Variants in H4C4 observed in about 807,000 individuals in gnomAD.
H4C4 encodes the protein histone H4.
A neutral mutation model predicts 4.4 loss-of-function variants in H4C4; 8 were observed. That is an observed-to-expected ratio of 1.81 (90% CI 1.06 to 3.27). The LOEUF (loss-of-function observed/expected upper bound fraction) is 3.27. Ranked by LOEUF, H4C4 falls within the 30% of genes most tolerant of loss-of-function variation. The pLI, the probability that H4C4 is intolerant of heterozygous loss-of-function variation, is 0.00. For missense variants in H4C4, 223 were observed against 148.9 expected (o/e 1.50, Z -2.59); for synonymous variants, 130 against 59.4 (o/e 2.19, Z -5.46).
In H4C4 at chr6:26,188,840, G is replaced by A; in HGVS notation, c.237C>T (p.Arg79=). 6.2e-7 allele frequency: 1 copy of A among 1,614,264 alleles called. No individual in the cohort carries two copies. Among genetic ancestry groups the A allele is most frequent in the Non-Finnish European group, 8.5e-7 (1 of 1,180,054 alleles). ...CCACGTCCATGGCTGTGACTGTCTT[G>A]CGTTTGGCGTGTTCCGTGTAGGTGA... The part of the protein sequence containing the change: ...DAVTYTEHAK[R]KTVTAMDVVY... The change falls in exon 1 of 1, where the codon CGC becomes CGT. Residue 79 remains arginine, a synonymous_variant. Transcript: ENST00000614247.
chr6:26,188,823 A>G lies in H4C4; in HGVS notation c.254T>C (p.Met85Thr). Residue 85 changes from methionine to threonine, a missense_variant, in exon 1 of 1, where the codon ATG (methionine) becomes ACG (threonine). Met to Thr is a moderately conservative substitution (Grantham distance 81, BLOSUM62 -1). Transcript: ENST00000614247. ...EHAKRKTVTA[M>T]DVVYALKRQG... ...GCGCTTGAGCGCGTACACCACGTCC[A>G]TGGCTGTGACTGTCTTGCGTTTGGC... The G allele has an allele frequency of 1.2e-6, 2 of 1,614,246 alleles. No individual in the cohort carries two copies. Among genetic ancestry groups the G allele is most frequent in the Non-Finnish European group, 1.7e-6 (2 of 1,180,042 alleles).
In H4C4 at chr6:26,189,022, G is replaced by A. The variant is rs1764838665; in HGVS notation, c.55C>T (p.His19Tyr). ...ATATTGTCACGCAATACCTTACGGT[G>A]ACGCTTGGCGCCACCCTTACCTAGA... ...KGLGKGGAKRHRKVLRDNIQG... is the reference protein window; with the variant it reads ...KGLGKGGAKRYRKVLRDNIQG... Residue 19 changes from histidine (H) to tyrosine (Y), a missense_variant, in exon 1 of 1, where the codon CAC (histidine) becomes TAC (tyrosine). By Grantham distance (83) the His-to-Tyr change is moderately conservative (BLOSUM62 2). Coordinates refer to ENST00000614247, the MANE Select transcript of H4C4 (RefSeq NM_003539.4). 5 of 1,611,648 alleles carry A rather than the reference G, an allele frequency of 3.1e-6. No homozygotes were observed. The highest frequency in any genetic ancestry group is 4.2e-6 in the Non-Finnish European group (5 of 1,178,182).
rs374437133 is a variant in H4C4 at position 26,188,759 on chromosome 6, G to A, written c.*6C>T. 67 of 1,614,056 alleles carry A rather than the reference G, an allele frequency of 4.2e-5. No individual in the cohort carries two copies. The highest frequency in any genetic ancestry group is 3.7e-4 in the African/African-American group (28 of 75,070). On this transcript the variant is annotated 3_prime_UTR_variant, in exon 1 of 1. Transcript: ENST00000614247. Reference sequence around the variant, plus strand: ...GGTTTTGCGGTAGTGTACTGTAGAGGTAAGCTCAGCCGCCGAAGCCATAAA... The same window carrying A: ...GGTTTTGCGGTAGTGTACTGTAGAGATAAGCTCAGCCGCCGAAGCCATAAA...
chr6:26,189,098 T>C lies in H4C4; in HGVS notation c.-22A>G, dbSNP rs1185284794. Reference sequence around the variant, plus strand: ...ACATCTTGAAACCACAGCTGTTAAATCTGTAACGCAATACGTCTGGCAGAG... The same window carrying C: ...ACATCTTGAAACCACAGCTGTTAAACCTGTAACGCAATACGTCTGGCAGAG... On this transcript the variant is annotated 5_prime_UTR_variant, in exon 1 of 1. Transcript: ENST00000614247. 3.2e-6 allele frequency: 5 copies of C among 1,554,918 alleles called. No homozygotes were observed. Among genetic ancestry groups the C allele is most frequent in the South Asian group, 2.4e-5 (2 of 83,830 alleles).
At position 26,189,078 on chromosome 6, in the gene H4C4, T is replaced by C. The variant is rs1022698942; in HGVS notation, c.-2A>G. On this transcript the variant is annotated 5_prime_UTR_variant, in exon 1 of 1. Transcript: ENST00000614247. Reference sequence around the variant, plus strand: ...TCCGCCCTTACCGCGGCCAGACATCTTGAAACCACAGCTGTTAAATCTGTA... The same window carrying C: ...TCCGCCCTTACCGCGGCCAGACATCCTGAAACCACAGCTGTTAAATCTGTA... 9 of 1,579,836 alleles carry C rather than the reference T, an allele frequency of 5.7e-6. No individual in the cohort carries two copies. Among genetic ancestry groups the C allele is most frequent in the Non-Finnish European group, 7.8e-6 (9 of 1,161,132 alleles).
chr6:26,188,827 C>A lies in H4C4; in HGVS notation c.250G>T (p.Ala84Ser), dbSNP rs573032310. ...TTGAGCGCGTACACCACGTCCATGG[C>A]TGTGACTGTCTTGCGTTTGGCGTGT... ...TEHAKRKTVT[A>S]MDVVYALKRQ... is the part of the protein sequence containing the mutation. The change falls in exon 1 of 1, where the codon GCC becomes TCC. Residue 84 changes from alanine (A) to serine (S), a missense_variant. Ala to Ser is a moderately conservative substitution (Grantham distance 99). Coordinates refer to ENST00000614247, the MANE Select transcript of H4C4 (RefSeq NM_003539.4). 2 of 1,614,262 alleles carry A rather than the reference C, an allele frequency of 1.2e-6. No homozygotes were observed. The highest frequency in any genetic ancestry group is 1.1e-5 in the South Asian group (1 of 91,090).
In H4C4 at chr6:26,188,930, G is replaced by A. The variant is rs766377500; in HGVS notation, c.147C>T (p.Gly49=). Residue 49 remains glycine (G), a synonymous_variant, in exon 1 of 1, where the codon GGC becomes GGT. Coordinates refer to ENST00000614247, the MANE Select transcript of H4C4 (RefSeq NM_003539.4). ...ARRGGVKRIS[G]LIYEETRGVL... ...CTCCGCGAGTTTCCTCATAAATGAG[G>A]CCAGAAATACGCTTGACGCCGCCGC... 39 of 1,614,096 alleles carry A rather than the reference G, an allele frequency of 2.4e-5. No individual in the cohort carries two copies. Among genetic ancestry groups the A allele is most frequent in the South Asian group, 1.5e-4 (14 of 91,090 alleles).
Position 26,188,958 on chromosome 6 carries a change from C to T in H4C4, c.119G>A (p.Arg40His). Reference sequence around the variant, plus strand: ...AGAAATACGCTTGACGCCGCCGCGGCGAGCCAGGCGGCGGATAGCGGGCTT... The same window carrying T: ...AGAAATACGCTTGACGCCGCCGCGGTGAGCCAGGCGGCGGATAGCGGGCTT... ...ITKPAIRRLA[R>H]RGGVKRISGL... Residue 40 changes from arginine (R) to histidine (H), a missense_variant, in exon 1 of 1, where the codon CGC (arginine) becomes CAC (histidine). Transcript: ENST00000614247. The T allele has an allele frequency of 4.3e-6, 7 of 1,614,160 alleles. No homozygotes were observed. Among genetic ancestry groups the T allele is most frequent in the Non-Finnish European group, 5.9e-6 (7 of 1,179,988 alleles).
rs760676646 is a variant in H4C4 at position 26,188,885 on chromosome 6, T to G, written c.192A>C (p.Glu64Asp). 2 of 1,614,210 alleles carry G rather than the reference T, an allele frequency of 1.2e-6. No individual in the cohort carries two copies. Among genetic ancestry groups the G allele is most frequent in the South Asian group, 1.1e-5 (1 of 91,090 alleles). Residue 64 changes from glutamate (E) to aspartate (D), a missense_variant, in exon 1 of 1, where the codon GAA becomes GAC. By Grantham distance (45) the Glu-to-Asp change is conservative. Coordinates refer to ENST00000614247, the MANE Select transcript of H4C4 (RefSeq NM_003539.4). ...ETRGVLKVFL[E>D]NVIRDAVTYT... Reference sequence around the variant, plus strand: ...AGGTGACAGCATCGCGGATTACATTTTCCAGGAAAACTTTCAGCACTCCGC... The same window carrying G: ...AGGTGACAGCATCGCGGATTACATTGTCCAGGAAAACTTTCAGCACTCCGC...
In H4C4 at chr6:26,188,999, A is replaced by G. The variant is rs201162303; in HGVS notation, c.78T>C (p.Asn26=). The G allele has an allele frequency of 3.4e-5, 55 of 1,614,022 alleles. 1 individual carries two copies. The highest frequency in any genetic ancestry group is 1.9e-4 in the African/African-American group (14 of 74,994). The part of the protein sequence containing the change: ...AKRHRKVLRD[N]IQGITKPAIR... ...TAGCGGGCTTGGTGATTCCTTGGAT[A>G]TTGTCACGCAATACCTTACGGTGAC... The change falls in exon 1 of 1, where the codon AAT becomes AAC. Residue 26 remains asparagine, a synonymous_variant. Transcript: ENST00000614247.
Position 26,188,887 on chromosome 6 carries a change from C to A in H4C4, c.190G>T (p.Glu64Ter). The change falls in exon 1 of 1, where the codon GAA becomes TAA. Residue 64 changes from glutamate to a stop codon, truncating the protein, a stop_gained. Coordinates refer to ENST00000614247, the MANE Select transcript of H4C4 (RefSeq NM_003539.4). LOFTEE classifies it high-confidence loss of function. The part of the protein sequence containing the change: ...ETRGVLKVFL[E>*]NVIRDAVTYT... ...GTGACAGCATCGCGGATTACATTTT[C>A]CAGGAAAACTTTCAGCACTCCGCGA... 1 of 1,614,174 alleles carries A rather than the reference C, an allele frequency of 6.2e-7. No homozygotes were observed. The highest frequency in any genetic ancestry group is 1.1e-5 in the South Asian group (1 of 91,086).
Position 26,188,833 on chromosome 6 carries a change from C to CT in H4C4, c.243dup (p.Val82SerfsTer?). 1 of 1,614,258 alleles carries CT rather than the reference C, an allele frequency of 6.2e-7. No individual in the cohort carries two copies. Reference sequence around the variant, plus strand: ...GCGTACACCACGTCCATGGCTGTGACTGTCTTGCGTTTGGCGTGTTCCGTG... The same window carrying CT: ...GCGTACACCACGTCCATGGCTGTGACTTGTCTTGCGTTTGGCGTGTTCCGTG... On this transcript the variant is annotated frameshift_variant, in exon 1 of 1. Coordinates refer to ENST00000614247, the MANE Select transcript of H4C4 (RefSeq NM_003539.4). LOFTEE classifies it high-confidence loss of function.
rs375888188 is a variant in H4C4 at position 26,189,029 on chromosome 6, G to A, written c.48C>T (p.Ala16=). ...CACGCAATACCTTACGGTGACGCTT[G>A]GCGCCACCCTTACCTAGACCCTTTC... ...KGGKGLGKGG[A]KRHRKVLRDN... Residue 16 remains alanine (A), a synonymous_variant, in exon 1 of 1, where the codon GCC becomes GCT. Coordinates refer to ENST00000614247, the MANE Select transcript of H4C4 (RefSeq NM_003539.4). The A allele has an allele frequency of 1.1e-5, 17 of 1,611,136 alleles. No individual in the cohort carries two copies. The highest frequency in any genetic ancestry group is 4.0e-5 in the African/African-American group (3 of 74,874).
rs753421131 is a variant in H4C4, at chr6:26,188,747, T to C, written c.*18A>G. On this transcript the variant is annotated 3_prime_UTR_variant, in exon 1 of 1. Transcript: ENST00000614247. ...AAAAGGGCCGTTGGTTTTGCGGTAG[T>C]GTACTGTAGAGGTAAGCTCAGCCGC... The C allele has an allele frequency of 2.4e-5, 38 of 1,611,028 alleles. 1 individual carries two copies. Among genetic ancestry groups the C allele is most frequent in the Middle Eastern group, 1.7e-4 (1 of 5,968 alleles).
At position 26,189,044 on chromosome 6, in the gene H4C4, T is replaced by C. The variant is rs139257264; in HGVS notation, c.33A>G (p.Leu11=). ...GGTGACGCTTGGCGCCACCCTTACC[T>C]AGACCCTTTCCGCCCTTACCGCGGC... is the stretch of plus-strand genomic sequence containing the variant. MSGRGKGGKG[L]GKGGAKRHRK... is the part of the protein sequence containing the mutation. The change falls in exon 1 of 1, where the codon CTA becomes CTG. Residue 11 remains leucine (L), a synonymous_variant. Coordinates refer to ENST00000614247, the MANE Select transcript of H4C4 (RefSeq NM_003539.4). 6.2e-7 allele frequency: 1 copy of C among 1,601,946 alleles called. No individual in the cohort carries two copies. The highest frequency in any genetic ancestry group is 2.2e-5 in the East Asian group (1 of 44,598).
rs548178202 is a variant in H4C4, at chr6:26,188,981, C to T, written c.96G>A (p.Lys32=). Residue 32 remains lysine, a synonymous_variant, in exon 1 of 1, where the codon AAG becomes AAA. Transcript: ENST00000614247. ...GGCGAGCCAGGCGGCGGATAGCGGG[C>T]TTGGTGATTCCTTGGATATTGTCAC... The part of the protein sequence containing the change: ...VLRDNIQGIT[K]PAIRRLARRG... The T allele has an allele frequency of 2.5e-6, 4 of 1,614,142 alleles. No homozygotes were observed. The highest frequency in any genetic ancestry group is 2.2e-5 in the East Asian group (1 of 44,870).
rs772871879 is a variant in H4C4 at position 26,188,921 on chromosome 6, A to G, written c.156T>C (p.Tyr52=). The G allele has an allele frequency of 6.2e-7, 1 of 1,614,186 alleles. No individual in the cohort carries two copies. The highest frequency in any genetic ancestry group is 8.5e-7 in the Non-Finnish European group (1 of 1,179,994). ...GGVKRISGLI[Y]EETRGVLKVF... ...CTTTCAGCACTCCGCGAGTTTCCTC[A>G]TAAATGAGGCCAGAAATACGCTTGA... Residue 52 remains tyrosine, a synonymous_variant, in exon 1 of 1, where the codon TAT becomes TAC. Coordinates refer to ENST00000614247, the MANE Select transcript of H4C4 (RefSeq NM_003539.4).
chr6:26,188,937 A>G lies in H4C4; in HGVS notation c.140T>C (p.Ile47Thr). Residue 47 changes from isoleucine to threonine, a missense_variant, in exon 1 of 1, where the codon ATT becomes ACT. Physicochemically the swap from Ile to Thr is moderately conservative, Grantham distance 89. Transcript: ENST00000614247. ...AGTTTCCTCATAAATGAGGCCAGAA[A>G]TACGCTTGACGCCGCCGCGGCGAGC... Reference protein sequence around the residue: ...RLARRGGVKRISGLIYEETRG... With the variant: ...RLARRGGVKRTSGLIYEETRG... 1 of 1,614,174 alleles carries G rather than the reference A, an allele frequency of 6.2e-7. No individual in the cohort carries two copies. The highest frequency in any genetic ancestry group is 8.5e-7 in the Non-Finnish European group (1 of 1,180,034).
rs1182627666 is a variant in H4C4, at chr6:26,188,961, G to C, written c.116C>G (p.Ala39Gly). The change falls in exon 1 of 1, where the codon GCT (alanine) becomes GGT (glycine). Residue 39 changes from alanine (A) to glycine (G), a missense_variant. Physicochemically the swap from Ala to Gly is moderately conservative, Grantham distance 60 (BLOSUM62 0). Transcript: ENST00000614247. ...AATACGCTTGACGCCGCCGCGGCGAGCCAGGCGGCGGATAGCGGGCTTGGT... is the reference window on the plus strand; with the variant it reads ...AATACGCTTGACGCCGCCGCGGCGACCCAGGCGGCGGATAGCGGGCTTGGT... Reference protein sequence around the residue: ...GITKPAIRRLARRGGVKRISG... With the variant: ...GITKPAIRRLGRRGGVKRISG... 6.2e-7 allele frequency: 1 copy of C among 1,614,056 alleles called. No individual in the cohort carries two copies. Among genetic ancestry groups the C allele is most frequent in the Non-Finnish European group, 8.5e-7 (1 of 1,180,000 alleles).
Sources: gnomAD v4.1 joint callset for allele counts on GRCh38, gnomAD v4.1.1 for gene constraint, MANE v1.5 for transcripts, NCBI Gene and HGNC (gene_info 2026-07-23, HGNC 2026-07-21) for gene names.